The following VPS45 variants were observed in gnomAD, a reference collection of about 807,000 sequenced individuals.
The protein encoded by VPS45 is vacuolar protein sorting-associated protein 45.
VPS45 carries 35 observed loss-of-function variants against 75.9 expected under a neutral mutation model. That is an observed-to-expected ratio of 0.46 (90% CI 0.35 to 0.61). VPS45 has a LOEUF of 0.61. VPS45 is among the 20% of genes least tolerant of loss of function. VPS45 has a pLI of 0.00. For synonymous variants in VPS45, 220 were observed against 238.2 expected, an observed-to-expected ratio of 0.92 and a Z score of 0.70; for missense variants, 559 against 685.9, an observed-to-expected ratio of 0.81 and a Z score of 2.07.
At chr1:150,109,429 A>C (rs1657518145) in intron 13 of VPS45, 1 of 152,148 alleles carries the variant, frequency 6.6e-6, no homozygotes, top group Non-Finnish European at 1.5e-5. Context: ...CACAAGAACA[A>C]ATACTCTCTC....
chr1:150,122,040 G>T (rs935699173), intron 14 of VPS45, among the ~76,000 whole-genome samples: 15 of 152,140 alleles, frequency 9.9e-5, no homozygotes, highest in African/African-American at 3.6e-4. Flanking sequence ...ATGTGTGTAG[G>T]CCAGGTGCCA....
intron 13 of VPS45, among the ~76,000 whole-genome samples, chr1:150,103,349 T>G (rs1246429733): frequency 6.6e-6 from 1 of 152,204 alleles, no homozygotes; most frequent in African/African-American, 2.4e-5. Context: ...AGGAAAAATG[T>G]CAGGGGTATT....
intron 14 of VPS45, among the ~76,000 whole-genome samples, chr1:150,113,073 GC>G (rs1385395645): frequency 1.3e-5 from 2 of 152,088 alleles, no homozygotes; most frequent in Admixed American, 1.3e-4. Flanking sequence ...TAAATCATTA[GC>G]CCCTGGTGAT....
At chr1:150,119,459 C>A (rs1658113481) in intron 14 of VPS45, among the ~76,000 whole-genome samples, 1 of 152,004 alleles carries the variant, frequency 6.6e-6, no homozygotes, top group Non-Finnish European at 1.5e-5. Context: ...AGGAAACAGG[C>A]CAAAAGAATT....
chr1:150,110,712 C>T (rs1657603915), intron 14 of VPS45, 85 bp downstream of exon 14: 2 of 1,349,776 alleles, frequency 1.5e-6, no homozygotes, highest in Non-Finnish European at 2.0e-6. Flanking sequence ...AAAATTTGGT[C>T]AATACTCACC....
intron 13 of VPS45, among the ~76,000 whole-genome samples, chr1:150,103,342 A>G (rs1355578936): frequency 6.6e-6 from 1 of 152,240 alleles, no homozygotes; most frequent in Non-Finnish European, 1.5e-5. Flanking sequence ...AATGAAAAGG[A>G]AAAATGTCAG....
intron 2 of VPS45, among the ~76,000 whole-genome samples, chr1:150,070,149 T>C (rs910301408): frequency 2.0e-5 from 3 of 152,194 alleles, no homozygotes; most frequent in African/African-American, 7.2e-5. Flanking sequence ...CTGCCCCTTA[T>C]ATGCATTTAC....
At position 150,097,807 on chromosome 1, in the gene VPS45, T is replaced by C. The variant is rs1040899692; in HGVS notation, c.1493+4159T>C. On this transcript the variant is annotated intron_variant, in intron 13 of 14. Coordinates refer to ENST00000644510, the MANE Select transcript of VPS45 (RefSeq NM_007259.5). ...ATGTATGTATATTATATATATAATA[T>C]ATTTTCACAAGCACATATATGTATA... Among the ~76,000 whole-genome samples, 14 of 152,098 alleles carry C rather than the reference T, an allele frequency of 9.2e-5. No homozygotes were observed. In the East Asian group the frequency reaches 1.5e-3, roughly 17 times the overall value.
chr1:150,122,091 C>T (rs989908426), intron 14 of VPS45, among the ~76,000 whole-genome samples: 2 of 152,080 alleles, frequency 1.3e-5, no homozygotes, highest in Admixed American at 6.6e-5. Flanking sequence ...GGGGCCAAGG[C>T]GGCCGGATCA....
At chr1:150,127,518 G>A (rs1170516855) in intron 14 of VPS45, among the ~76,000 whole-genome samples, 2 of 152,010 alleles carry the variant, frequency 1.3e-5, no homozygotes, top group East Asian at 1.9e-4. Context: ...AAACTCCTGG[G>A]CTCAAACAAA....
chr1:150,092,128 G>C, intron 11 of VPS45, 33 bp downstream of exon 11: 1 of 1,597,060 alleles, frequency 6.3e-7, no homozygotes, highest in South Asian at 1.1e-5. Flanking sequence ...CACCAAACAG[G>C]AACCAACTCT....
intron 14 of VPS45, among the ~76,000 whole-genome samples, chr1:150,135,342 A>T (rs1659017871): frequency 6.6e-6 from 1 of 152,000 alleles, no homozygotes; most frequent in Admixed American, 6.6e-5. Context: ...GGCTCACTAC[A>T]ACCTCTGCCT....
chr1:150,144,154 G>A (rs1553816043), intron 14 of VPS45, among the ~76,000 whole-genome samples: 1 of 150,796 alleles, frequency 6.6e-6, no homozygotes, highest in East Asian at 1.9e-4. Flanking sequence ...TTGCTCTGTT[G>A]CCCAGGTTGG....
chr1:150,124,036 A>G (rs1658374719), intron 14 of VPS45, among the ~76,000 whole-genome samples: 1 of 152,208 alleles, frequency 6.6e-6, no homozygotes, highest in South Asian at 2.1e-4. Flanking sequence ...CTCATTAGCT[A>G]TAAACCTAAA....
At chr1:150,095,742 G>A (rs1434222423) in intron 13 of VPS45, among the ~76,000 whole-genome samples, 7 of 152,108 alleles carry the variant, frequency 4.6e-5, no homozygotes, top group African/African-American at 1.7e-4. Context: ...AGCCCTGCTT[G>A]GCTGGAGCAT....
At chr1:150,089,769 A>C (rs1345498676) in intron 10 of VPS45, among the ~76,000 whole-genome samples, 4 of 152,224 alleles carry the variant, frequency 2.6e-5, no homozygotes, top group African/African-American at 9.7e-5. Flanking sequence ...GGAACATTTG[A>C]ACAGATACCC....
At chr1:150,110,372 A>T in intron 13 of VPS45, 124 bp from the exon 14 acceptor site, 1 of 955,808 alleles carries the variant, frequency 1.0e-6, no homozygotes, top group Non-Finnish European at 1.5e-6. Flanking sequence ...CTTTTATTCT[A>T]TTCTGCTTTA....
At chr1:150,099,820 G>A (rs1465800660) in intron 13 of VPS45, among the ~76,000 whole-genome samples, 4 of 107,374 alleles carry the variant, frequency 3.7e-5, no homozygotes, top group Non-Finnish European at 6.9e-5. Context: ...GGGACAGAGC[G>A]AGACTCCGTC....
chr1:150,068,551 G>GA, intron 1 of VPS45, 79 bp from the exon 2 acceptor site: 3 of 1,302,934 alleles, frequency 2.3e-6, no homozygotes, highest in Non-Finnish European at 2.0e-6. Context: ...AAGTATTAAT[G>GA]AAAAAAGAGG....
Sources: gnomAD v4.1 joint callset for allele counts (sites outside exome capture counted in the v4.1 genomes callset) on GRCh38, gnomAD v4.1.1 for gene constraint, MANE v1.5 for transcripts, NCBI Gene and HGNC (gene_info 2026-07-23, HGNC 2026-07-21) for gene names.